Variants in NAA16 observed in about 807,000 individuals in gnomAD.
The protein encoded by NAA16 is NARG1-like protein.
In NAA16, 97 loss-of-function variants were observed where a neutral mutation model predicts 110.3. The ratio of observed to expected loss-of-function variants is 0.88; its 90% confidence interval spans 0.75 to 1.04. NAA16 has a LOEUF of 1.04. Ranked by LOEUF, NAA16 falls within the 50% of genes least tolerant of loss-of-function variation. The pLI, the probability that NAA16 is intolerant of heterozygous loss-of-function variation, is 0.00. For missense variants in NAA16, 1,017 were observed against 1,005.1 expected (o/e 1.01, Z -0.16); for synonymous variants, 372 against 330.6 (o/e 1.13, Z -1.36).
At chr13:41,325,256 A>G (rs959949576) in intron 5 of NAA16, among the ~76,000 whole-genome samples, 1 of 144,190 alleles carries the variant, frequency 6.9e-6, no homozygotes, top group African/African-American at 2.6e-5. Flanking sequence ...TGCCTGGCCA[A>G]CGGAACTTAC....
chr13:41,363,187 A>G (rs2043146895), intron 13 of NAA16, among the ~76,000 whole-genome samples: 1 of 152,092 alleles, frequency 6.6e-6, no homozygotes, highest in South Asian at 2.1e-4. Context: ...AGTTTAAATC[A>G]GGCTCTTGTT....
At position 41,331,323 on chromosome 13, in the gene NAA16, C is replaced by A. The variant is rs754890077; in HGVS notation, c.861C>A (p.His287Gln). The A allele has an allele frequency of 4.3e-6, 7 of 1,609,770 alleles. No homozygotes were observed. The South Asian group carries it at 7.8e-5, about 18-fold the overall frequency. The change falls in exon 8 of 20, where the codon CAC (histidine) becomes CAA (glutamine). Residue 287 changes from histidine to glutamine, a missense_variant. His to Gln is a conservative substitution (Grantham distance 24). Transcript: ENST00000379406. ...TTTATGAAGAAATTAGTAAGCAGCACCCCAAAGCAATTACACCCAGAAGAT... is the reference window on the plus strand; with the variant it reads ...TTTATGAAGAAATTAGTAAGCAGCAACCCAAAGCAATTACACCCAGAAGAT... Reference protein sequence around the residue: ...LQIYEEISKQHPKAITPRRLP... With the variant: ...LQIYEEISKQQPKAITPRRLP...
chr13:41,311,629 C>G (rs761949675), intron 1 of NAA16, 47 bp downstream of exon 1: 5 of 1,567,062 alleles, frequency 3.2e-6, no homozygotes, highest in Non-Finnish European at 8.7e-7. Context: ...CCCGGGTCCT[C>G]GGGCCTTAAG....
intron 9 of NAA16, among the ~76,000 whole-genome samples, chr13:41,339,210 G>A (rs1297256127): frequency 2.0e-5 from 3 of 151,970 alleles, no homozygotes; most frequent in South Asian, 2.1e-4. Flanking sequence ...GCATAATCTC[G>A]CCTCACCGAA....
intron 8 of NAA16, among the ~76,000 whole-genome samples, chr13:41,333,283 A>G (rs2042288159): frequency 6.6e-6 from 1 of 152,150 alleles, no homozygotes; most frequent in Non-Finnish European, 1.5e-5. Flanking sequence ...AATATAATCC[A>G]TATACCGTAA....
chr13:41,332,173 GT>G (rs1435222541), intron 8 of NAA16, among the ~76,000 whole-genome samples: 1 of 152,060 alleles, frequency 6.6e-6, no homozygotes, highest in African/African-American at 2.4e-5. Flanking sequence ...TAGTTTTGAA[GT>G]TTTTGTCTTC....
In NAA16 at chr13:41,346,155, T is replaced by C. The variant is rs572557570; in HGVS notation, c.1015-8989T>C. Among the ~76,000 whole-genome samples the C allele has an allele frequency of 2.6e-5, 4 of 152,364 alleles. No individual in the cohort carries two copies. In the South Asian group the frequency reaches 8.3e-4, roughly 32 times the overall value. ...TTGAGGCATTCACTCTGAGTTCATT[T>C]TGTATATGGTGTGGTAGGAGTCCAG... On this transcript the variant is annotated intron_variant, in intron 9 of 19. Coordinates refer to ENST00000379406, the MANE Select transcript of NAA16 (RefSeq NM_024561.5).
intron 4 of NAA16, among the ~76,000 whole-genome samples, chr13:41,321,708 G>A (rs115731792): frequency 3.4e-4 from 52 of 152,284 alleles, no homozygotes; most frequent in African/African-American, 1.1e-3. Context: ...CTCTCTCCTG[G>A]ACATCTCCAT....
At chr13:41,343,157 A>C (rs1378486567) in intron 9 of NAA16, among the ~76,000 whole-genome samples, 2 of 152,140 alleles carry the variant, frequency 1.3e-5, no homozygotes, top group African/African-American at 4.8e-5. Context: ...CTGGAGAGCA[A>C]TGAATGGCCC....
Position 41,367,570 on chromosome 13 carries a change from T to G in NAA16, c.1671T>G (p.Ala557=). Reference sequence around the variant, plus strand: ...GAAGACATGCCTTTTATTTCAAGGCTGCTAGATCAGCGATTGAAATATACT... The same window carrying G: ...GAAGACATGCCTTTTATTTCAAGGCGGCTAGATCAGCGATTGAAATATACT... ...ILRRHAFYFK[A]ARSAIEIYLK... is the part of the protein sequence containing the mutation. The change falls in exon 14 of 20, where the codon GCT becomes GCG. Residue 557 remains alanine (A), a synonymous_variant. Coordinates refer to ENST00000379406, the MANE Select transcript of NAA16 (RefSeq NM_024561.5). 2 of 1,613,266 alleles carry G rather than the reference T, an allele frequency of 1.2e-6. No individual in the cohort carries two copies. The highest frequency in any genetic ancestry group is 1.7e-4 in the Middle Eastern group (1 of 6,054).
rs141016707 is a variant in NAA16 at position 41,354,163 on chromosome 13, G to A, written c.1015-981G>A. Among the ~76,000 whole-genome samples, 27 of 152,140 alleles carry A rather than the reference G, an allele frequency of 1.8e-4. No homozygotes were observed. The East Asian group carries it at 3.9e-3, about 22-fold the overall frequency. On this transcript the variant is annotated intron_variant, in intron 9 of 19. Transcript: ENST00000379406. Reference sequence around the variant, plus strand: ...ATTGAACTTTACTAGAGATCCTGCCGTATACTGCAGCATCATGTGAGAAAG... The same window carrying A: ...ATTGAACTTTACTAGAGATCCTGCCATATACTGCAGCATCATGTGAGAAAG...
intron 15 of NAA16, among the ~76,000 whole-genome samples, chr13:41,371,406 A>G (rs937669572): frequency 6.6e-6 from 1 of 152,212 alleles, no homozygotes; most frequent in African/African-American, 2.4e-5. Context: ...AATTGTACTT[A>G]CATAAAGTTA....
At position 41,316,915 on chromosome 13, in the gene NAA16, T is replaced by C. The variant is rs2041824671; in HGVS notation, c.124T>C (p.Phe42Leu). ...CAAGATGATTCTGTCGAACCCAAAA[T>C]TTGCTGAACATGGAGGTATTGTCTC... is the stretch of plus-strand genomic sequence containing the variant. ...FCKMILSNPK[F>L]AEHGETLAMK... Residue 42 changes from phenylalanine (F) to leucine (L), a missense_variant, in exon 2 of 20, where the codon TTT becomes CTT. Transcript: ENST00000379406. The C allele has an allele frequency of 6.2e-7, 1 of 1,613,026 alleles. No individual in the cohort carries two copies. The highest frequency in any genetic ancestry group is 1.7e-5 in the Admixed American group (1 of 60,020).
At chr13:41,367,403 A>G (rs750422804) in intron 13 of NAA16, 36 bp from the exon 14 acceptor site, 1 of 1,440,728 alleles carries the variant, frequency 6.9e-7, no homozygotes, top group Admixed American at 1.9e-5. Flanking sequence ...TATTGACATA[A>G]ATGTAAAGGT....
At chr13:41,312,499 A>T (rs183269712) in intron 1 of NAA16, among the ~76,000 whole-genome samples, 10 of 152,240 alleles carry the variant, frequency 6.6e-5, no homozygotes, top group South Asian at 2.1e-4. Flanking sequence ...TGGCTACCCT[A>T]GGTTTTAAAC....
chr13:41,367,903 A>G (rs984565857), intron 14 of NAA16, among the ~76,000 whole-genome samples: 1 of 152,196 alleles, frequency 6.6e-6, no homozygotes, highest in Non-Finnish European at 1.5e-5. Context: ...GTCTTCAGAA[A>G]GACCAATTTA....
rs957923142 is a variant in NAA16 at position 41,358,595 on chromosome 13, G to A, written c.1257+122G>A. 7 of 1,472,794 alleles carry A rather than the reference G, an allele frequency of 4.8e-6. No individual in the cohort carries two copies. In the African/African-American group the frequency reaches 8.5e-5, roughly 18 times the overall value. 91.2% of individuals were successfully genotyped at this position (1,472,794 alleles called of 1,614,324 possible). ...CTGATAATCTTTTTCTAATAATCCT[G>A]TGTAGTTTCATGTTATATTAATTGT... On this transcript the variant is annotated intron_variant, in intron 11 of 19. Coordinates refer to ENST00000379406, the MANE Select transcript of NAA16 (RefSeq NM_024561.5).
chr13:41,323,582 G>A (rs1357408691), intron 5 of NAA16, among the ~76,000 whole-genome samples: 2 of 151,530 alleles, frequency 1.3e-5, no homozygotes, highest in Non-Finnish European at 2.9e-5. Context: ...TCGATCTTCC[G>A]ACCTCGTGAT....
At chr13:41,371,219 T>C (rs1172910656) in intron 15 of NAA16, among the ~76,000 whole-genome samples, 3 of 152,154 alleles carry the variant, frequency 2.0e-5, no homozygotes, top group Admixed American at 1.3e-4. Context: ...ATAGAAGCAG[T>C]AGTGCCAGAA....
Sources: allele counts gnomAD v4.1 joint callset (sites outside exome capture counted in the v4.1 genomes callset), GRCh38; gene constraint gnomAD v4.1.1; transcripts MANE v1.5; gene names NCBI Gene and HGNC (gene_info 2026-07-23, HGNC 2026-07-21).